ENDOV: variants seen among roughly 807,000 people sequenced by gnomAD.
ENDOV encodes the protein endonuclease V.
ENDOV carries 37 observed loss-of-function variants against 39.4 expected under a neutral mutation model. The ratio of observed to expected loss-of-function variants is 0.94; its 90% confidence interval spans 0.72 to 1.23. The LOEUF (loss-of-function observed/expected upper bound fraction) is 1.23, where lower values mean the gene tolerates loss of function less well. Ranked by LOEUF, ENDOV falls within the 50% of genes most tolerant of loss-of-function variation. The pLI, the probability that ENDOV is intolerant of heterozygous loss-of-function variation, is 0.00. For synonymous variants in ENDOV, 186 were observed against 163.4 expected (o/e 1.14, Z -1.05); for missense variants, 441 against 375.7 (o/e 1.17, Z -1.44).
chr17:80,431,521 C>T (rs930253033), intron 9 of ENDOV, among the ~76,000 whole-genome samples: 5 of 152,214 alleles, frequency 3.3e-5, no homozygotes, highest in Non-Finnish European at 7.3e-5. Flanking sequence ...CAGGAGAGAG[C>T]GGGAACTAGG....
At chr17:80,424,677 C>T (rs1158434824) in intron 5 of ENDOV, among the ~76,000 whole-genome samples, 3 of 152,316 alleles carry the variant, frequency 2.0e-5, no homozygotes, top group African/African-American at 4.8e-5. Context: ...AGACCTGGGC[C>T]GGTTGCGGTG....
chr17:80,423,435 C>CT (rs1027095676), intron 4 of ENDOV, 85 bp from the exon 5 acceptor site: 1 of 1,334,644 alleles, frequency 7.5e-7, no homozygotes, highest in African/African-American at 1.5e-5. Context: ...CTTAGGGAAG[C>CT]TTTTGGTAAG....
At chr17:80,416,420 C>T (rs1220302493) in intron 2 of ENDOV, among the ~76,000 whole-genome samples, 1 of 152,092 alleles carries the variant, frequency 6.6e-6, no homozygotes, top group Admixed American at 6.5e-5. Context: ...AGCTGGAGAT[C>T]TGCATCCTCC....
chr17:80,430,247 G>C, intron 9 of ENDOV: 1 of 1,472,088 alleles, frequency 6.8e-7, no homozygotes, highest in Non-Finnish European at 9.0e-7. Flanking sequence ...CTTTCCCGGA[G>C]CCGACGAAGG....
At position 80,423,944 on chromosome 17, in the gene ENDOV, G is replaced by A. The variant is rs1033355248; in HGVS notation, c.516+312G>A. On this transcript the variant is annotated intron_variant, in intron 5 of 9. Coordinates refer to ENST00000518137, the MANE Select transcript of ENDOV (RefSeq NM_173627.5). ...TTACTGGGGACAGGACGGGCTTCCA[G>A]GCTGTCCCGGGCGCACTTGGTGCTT... 13 of 413,580 alleles carry A rather than the reference G, an allele frequency of 3.1e-5. No individual in the cohort carries two copies. The Admixed American group carries it at 5.1e-4, about 16-fold the overall frequency. 25.6% of individuals were successfully genotyped at this position (413,580 alleles called of 1,614,324 possible).
chr17:80,419,632 C>T (rs1359832381), intron 2 of ENDOV: 1 of 702,908 alleles, frequency 1.4e-6, no homozygotes. Context: ...CTGCCTTCTG[C>T]TTGTCAGCCC....
chr17:80,425,674 C>T, intron 7 of ENDOV, 54 bp downstream of exon 7: 2 of 1,536,800 alleles, frequency 1.3e-6, no homozygotes, highest in Non-Finnish European at 1.7e-6. Context: ...CTTCCTGCCA[C>T]CTGCTGTTCA....
chr17:80,430,211 G>A (rs1388036696), intron 9 of ENDOV: 2 of 1,471,394 alleles, frequency 1.4e-6, no homozygotes, highest in Non-Finnish European at 1.8e-6. Context: ...GGGGGCAAGT[G>A]CCAGATCCTG....
chr17:80,433,178 G>A (rs764498521), intron 9 of ENDOV: 1 of 520,104 alleles, frequency 1.9e-6, no homozygotes, highest in Non-Finnish European at 3.8e-6. Flanking sequence ...GGCAGAGCTG[G>A]CTGAGATCCC....
At chr17:80,419,215 A>G (rs2081620503) in intron 2 of ENDOV, among the ~76,000 whole-genome samples, 1 of 150,518 alleles carries the variant, frequency 6.6e-6, no homozygotes, top group Non-Finnish European at 1.5e-5. Flanking sequence ...TACCCCACTT[A>G]CTGGGGGAAA....
In ENDOV at chr17:80,415,184, G is replaced by T. The variant is rs368191864; in HGVS notation, c.-11G>T. On this transcript the variant is annotated 5_prime_UTR_variant, in exon 1 of 10. Transcript: ENST00000518137. ...GAAGTGACGTGCGGAAGGGGTGCCC[G>T]GGACGAAGCCATGGCCCTGGAGGCG... The T allele has an allele frequency of 1.1e-5, 17 of 1,612,568 alleles. No individual in the cohort carries two copies. The African/African-American group carries it at 2.1e-4, about 20-fold the overall frequency.
intron 4 of ENDOV, 40 bp from the exon 5 acceptor site, chr17:80,423,480 G>GC: frequency 6.3e-6 from 5 of 796,356 alleles, no homozygotes; most frequent in Non-Finnish European, 1.0e-5. Flanking sequence ...CCAGGCCCCA[G>GC]CCCCACCTCC....
At position 80,428,670 on chromosome 17, in the gene ENDOV, C is replaced by A; in HGVS notation, c.779+10C>A. The A allele has an allele frequency of 1.3e-6, 2 of 1,572,006 alleles. No homozygotes were observed. Among genetic ancestry groups the A allele is most frequent in the Non-Finnish European group, 8.6e-7 (1 of 1,159,016 alleles). On this transcript the variant is annotated intron_variant, in intron 8 of 9. Coordinates refer to ENST00000518137, the MANE Select transcript of ENDOV (RefSeq NM_173627.5). ...GGCCACCCACACCGAGGTGAGCACC[C>A]AGGGAGGCTGGGGCACTAAAGGGGC...
At chr17:80,422,292 G>C (rs377148719) in intron 4 of ENDOV, 47 bp downstream of exon 4, 66 of 1,602,408 alleles carry the variant, frequency 4.1e-5, no homozygotes, top group Admixed American at 2.5e-4. Context: ...GGGGAAGAGC[G>C]GGGGGAGAGG....
At chr17:80,425,228 T>C in intron 6 of ENDOV, 128 bp downstream of exon 6, 1 of 883,992 alleles carries the variant, frequency 1.1e-6, no homozygotes, top group Non-Finnish European at 1.7e-6. Context: ...TGCCCGTCCA[T>C]CCATCCTCCT....
At chr17:80,429,615 G>A (rs139778360) in intron 8 of ENDOV, among the ~76,000 whole-genome samples, 158 bp from the exon 9 acceptor site, 11 of 152,306 alleles carry the variant, frequency 7.2e-5, no homozygotes, top group South Asian at 2.1e-4. Flanking sequence ...TGCAAGCTGC[G>A]TGTCTGAGCA....
At chr17:80,433,409 G>A (rs935202726) in intron 9 of ENDOV, among the ~76,000 whole-genome samples, 3 of 152,222 alleles carry the variant, frequency 2.0e-5, no homozygotes, top group African/African-American at 7.2e-5. Flanking sequence ...CCAGTGATGA[G>A]AGGATGAAGC....
At chr17:80,427,537 GGGATATGCAGCCACCC>G (rs1385305508) in intron 7 of ENDOV, 1 of 1,051,088 alleles carries the variant, frequency 9.5e-7, no homozygotes, top group Non-Finnish European at 1.2e-6. Context: ...GCAACCAGTT[GGGATATGCAGCCACCC>G]CGTACCAGGA....
At chr17:80,425,414 G>A in intron 6 of ENDOV, 78 bp from the exon 7 acceptor site, 1 of 1,513,416 alleles carries the variant, frequency 6.6e-7, no homozygotes, top group Non-Finnish European at 8.8e-7. Flanking sequence ...TTTTGTCAGA[G>A]CTCCAGCTGC....
Sources: allele counts gnomAD v4.1 joint callset (sites outside exome capture counted in the v4.1 genomes callset), GRCh38; gene constraint gnomAD v4.1.1; transcripts MANE v1.5; gene names NCBI Gene and HGNC (gene_info 2026-07-23, HGNC 2026-07-21).